Variants in ASIC2 observed in about 807,000 individuals in gnomAD.
ASIC2 encodes acid sensing ion channel subunit 2.
A neutral mutation model predicts 57.3 loss-of-function variants in ASIC2; 25 were observed. The ratio of observed to expected loss-of-function variants is 0.44; its 90% CI spans 0.32 to 0.61. ASIC2 has a LOEUF of 0.61. ASIC2 is among the 20% of genes least tolerant of loss of function. ASIC2 has a pLI of 0.06. For synonymous variants in ASIC2, 319 were observed against 307.5 expected (o/e 1.04, Z -0.39); for missense variants, 641 against 738.1 (o/e 0.87, Z 1.52).
At chr17:33,244,894 G>T (rs1012936135) in intron 1 of ASIC2, among the ~76,000 whole-genome samples, 1 of 152,206 alleles carries the variant, frequency 6.6e-6, no homozygotes, top group Admixed American at 6.5e-5. Flanking sequence ...GATAGGGAGT[G>T]AGTAGCTCTG....
At chr17:33,082,467 G>A (rs934196166) in intron 3 of ASIC2, among the ~76,000 whole-genome samples, 9 of 152,146 alleles carry the variant, frequency 5.9e-5, no homozygotes, top group Admixed American at 5.9e-4. Flanking sequence ...GGAAGGCAGA[G>A]GTGGGTGGAT....
chr17:33,134,157 T>C (rs2092358667), intron 1 of ASIC2, among the ~76,000 whole-genome samples: 2 of 152,228 alleles, frequency 1.3e-5, no homozygotes, highest in South Asian at 4.1e-4. Flanking sequence ...AAACCTTGTT[T>C]ATTTCTCTAA....
chr17:33,607,240 A>T (rs1203682546), intron 1 of ASIC2, among the ~76,000 whole-genome samples: 1 of 152,214 alleles, frequency 6.6e-6, no homozygotes, highest in East Asian at 1.9e-4. Context: ...AGGATAGCTT[A>T]TAATGCTCTC....
At chr17:33,912,057 T>C (rs1427046671) in intron 1 of ASIC2, among the ~76,000 whole-genome samples, 1 of 147,998 alleles carries the variant, frequency 6.8e-6, no homozygotes, top group Non-Finnish European at 1.5e-5. Flanking sequence ...GGAGAACTGC[T>C]TGAACCCAGG....
intron 1 of ASIC2, among the ~76,000 whole-genome samples, chr17:33,331,653 T>C (rs1464111690): frequency 6.6e-6 from 1 of 152,208 alleles, no homozygotes; most frequent in Non-Finnish European, 1.5e-5. Flanking sequence ...TGTCACATAA[T>C]AGTAAGCCAA....
At chr17:33,632,629 C>T (rs1344558160) in intron 1 of ASIC2, among the ~76,000 whole-genome samples, 1 of 152,090 alleles carries the variant, frequency 6.6e-6, no homozygotes, top group Non-Finnish European at 1.5e-5. Context: ...AGATGGGGGT[C>T]TTGCCATGTC....
intron 9 of ASIC2, 55 bp downstream of exon 9, chr17:33,015,916 C>T: frequency 6.3e-7 from 1 of 1,594,750 alleles, no homozygotes; most frequent in East Asian, 2.2e-5. Flanking sequence ...TGGTTTTGTA[C>T]TGCCGGTACA....
chr17:33,598,551 G>C (rs1905042692), intron 1 of ASIC2, among the ~76,000 whole-genome samples: 2 of 152,158 alleles, frequency 1.3e-5, no homozygotes, highest in Admixed American at 1.3e-4. Context: ...AAATGTCAGG[G>C]CTGGTATCAA....
At chr17:33,942,922 C>T (rs1004318030) in intron 1 of ASIC2, among the ~76,000 whole-genome samples, 1 of 152,206 alleles carries the variant, frequency 6.6e-6, no homozygotes, top group African/African-American at 2.4e-5. Context: ...TGGGTATCAC[C>T]ATTCCAGAAG....
chr17:33,601,532 C>T (rs1905114977), intron 1 of ASIC2, among the ~76,000 whole-genome samples: 2 of 152,158 alleles, frequency 1.3e-5, no homozygotes, highest in African/African-American at 4.8e-5. Context: ...TGCAGGTGTG[C>T]AGAAAGCAAA....
At chr17:34,100,293 C>T (rs1274769436) in intron 1 of ASIC2, among the ~76,000 whole-genome samples, 2 of 151,132 alleles carry the variant, frequency 1.3e-5, no homozygotes, top group Admixed American at 6.6e-5. Context: ...TGTGGATAAG[C>T]GGCATCATGG....
intron 1 of ASIC2, among the ~76,000 whole-genome samples, chr17:34,033,612 G>A (rs546562726): frequency 4.9e-4 from 75 of 152,168 alleles, no homozygotes; most frequent in African/African-American, 1.5e-3. Context: ...TTGATAGACC[G>A]TTAGCAAGAC....
intron 1 of ASIC2, among the ~76,000 whole-genome samples, chr17:34,008,411 C>T (rs1015772413): frequency 6.6e-6 from 1 of 152,168 alleles, no homozygotes; most frequent in Non-Finnish European, 1.5e-5. Flanking sequence ...AGGGGAGGGA[C>T]TCATTCATCT....
intron 1 of ASIC2, among the ~76,000 whole-genome samples, chr17:33,305,451 T>C (rs929907091): frequency 6.6e-6 from 1 of 152,226 alleles, no homozygotes; most frequent in African/African-American, 2.4e-5. Flanking sequence ...ATAGAAATAC[T>C]ATGTTATGAA....
chr17:33,474,659 A>G (rs1913161326), intron 1 of ASIC2, among the ~76,000 whole-genome samples: 2 of 152,154 alleles, frequency 1.3e-5, no homozygotes, highest in Non-Finnish European at 1.5e-5. Flanking sequence ...CTTCCCTCTG[A>G]CATTTTTGGG....
chr17:34,079,116 T>C (rs761150759), intron 1 of ASIC2: 6 of 152,240 alleles, frequency 3.9e-5, no homozygotes, highest in Admixed American at 2.0e-4. Flanking sequence ...AATCTCCACA[T>C]TTCCACCAGA....
intron 1 of ASIC2, among the ~76,000 whole-genome samples, chr17:33,522,540 T>C (rs1914773844): frequency 6.6e-6 from 1 of 152,170 alleles, no homozygotes; most frequent in Admixed American, 6.5e-5. Context: ...ACCCTCTGTT[T>C]CCTCATCTGT....
intron 3 of ASIC2, among the ~76,000 whole-genome samples, chr17:33,030,605 G>A (rs1407485490): frequency 6.6e-6 from 1 of 152,032 alleles, no homozygotes; most frequent in Non-Finnish European, 1.5e-5. Flanking sequence ...TTCCATCTTA[G>A]GAAGGAGGGT....
chr17:33,883,581 T>A (rs1914755836), intron 1 of ASIC2, among the ~76,000 whole-genome samples: 1 of 152,116 alleles, frequency 6.6e-6, no homozygotes. Context: ...GAACTCCAAA[T>A]CTGTTCTAGC....
Sources: gnomAD v4.1 joint callset for allele counts (sites outside exome capture counted in the v4.1 genomes callset) on GRCh38, gnomAD v4.1.1 for gene constraint, MANE v1.5 for transcripts, NCBI Gene and HGNC (gene_info 2026-07-23, HGNC 2026-07-21) for gene names.